TMEM74: variants seen among roughly 807,000 people sequenced by gnomAD.
The protein encoded by TMEM74 is transmembrane protein 74.
A neutral mutation model predicts 18.1 loss-of-function variants in TMEM74; 13 were observed. The observed-to-expected ratio is 0.72, with a 90% CI of 0.47 to 1.14. The LOEUF (loss-of-function observed/expected upper bound fraction) is 1.14. TMEM74 is among the 50% of genes most tolerant of loss of function. The pLI is 0.00. For missense variants in TMEM74, 372 were observed against 375.9 expected (o/e 0.99, Z 0.09); for synonymous variants, 159 against 146.6 (o/e 1.08, Z -0.61).
chr8:108,723,842 G>A (rs1258302868), intron 1 of TMEM74, among the ~76,000 whole-genome samples: 4 of 152,158 alleles, frequency 2.6e-5, no homozygotes, highest in Non-Finnish European at 4.4e-5. Context: ...GTTTAAAAAT[G>A]TTTCTTCCAG....
At chr8:108,709,666 A>G (rs1157895771) in intron 1 of TMEM74, among the ~76,000 whole-genome samples, 1 of 152,122 alleles carries the variant, frequency 6.6e-6, no homozygotes, top group Admixed American at 6.5e-5. Flanking sequence ...AAGAGGATGA[A>G]TCTCATATTA....
At chr8:108,778,837 T>C (rs1167625678), downstream of TMEM74, among the ~76,000 whole-genome samples, 1 of 152,160 alleles carries the variant, frequency 6.6e-6, no homozygotes, top group Non-Finnish European at 1.5e-5. Context: ...TTTTTCCATA[T>C]CATAAAATGT....
intron 1 of TMEM74, among the ~76,000 whole-genome samples, chr8:108,740,399 A>G (rs1392455742): frequency 6.6e-6 from 1 of 152,210 alleles, no homozygotes; most frequent in Non-Finnish European, 1.5e-5. Flanking sequence ...TTCTATGGTC[A>G]AAAGTGAGTT....
intron 1 of TMEM74, among the ~76,000 whole-genome samples, chr8:108,664,814 G>A (rs1184414736): frequency 6.6e-6 from 1 of 152,008 alleles, no homozygotes; most frequent in African/African-American, 2.4e-5. Flanking sequence ...ATAGTAAGTG[G>A]CAAAGCCAGG....
chr8:108,784,274 A>C lies in TMEM74; in HGVS notation c.825T>G (p.Tyr275Ter). The part of the protein sequence containing the change: ...FASSKESAKL[Y>*]GSFNFRMKTS... ...TTTTCATCCTGAAGTTGAAAGAACCATAGAGTTTTGCAGACTCTTTGGAAG... is the reference window on the plus strand; with the variant it reads ...TTTTCATCCTGAAGTTGAAAGAACCCTAGAGTTTTGCAGACTCTTTGGAAG... The change falls in exon 2 of 2, where the codon TAT becomes TAG. Residue 275 changes from tyrosine (Y) to a stop codon, truncating the protein, a stop_gained. Transcript: ENST00000297459. LOFTEE classifies it high-confidence loss of function. 6.2e-7 allele frequency: 1 copy of C among 1,614,176 alleles called. No individual in the cohort carries two copies. Among genetic ancestry groups the C allele is most frequent in the Non-Finnish European group, 8.5e-7 (1 of 1,180,036 alleles).
chr8:108,754,321 G>T (rs546195684), intron 1 of TMEM74, among the ~76,000 whole-genome samples: 4 of 151,970 alleles, frequency 2.6e-5, no homozygotes, highest in Admixed American at 6.6e-5. Flanking sequence ...ATATATTCAA[G>T]ATAAAAATAA....
chr8:108,659,256 C>CACACACACACACAA (rs1286012287), intron 1 of TMEM74, among the ~76,000 whole-genome samples: 3 of 151,958 alleles, frequency 2.0e-5, no homozygotes, highest in African/African-American at 7.2e-5. Flanking sequence ...AGCCCACTAA[C>CACACACACACACAA]ACACACACAC....
rs748256764 is a variant in TMEM74, at chr8:108,785,023, G to GC, written c.75dup (p.Leu26AlafsTer4). ...GCTGTATCTGCCTGGTCACCAGGCA[G>GC]CCCTCTTGAACTCCAGTCCCTGGCA... is the stretch of plus-strand genomic sequence containing the variant. On this transcript the variant is annotated frameshift_variant, in exon 2 of 2. Transcript: ENST00000297459. LOFTEE classifies it high-confidence loss of function. 2 of 1,614,144 alleles carry GC rather than the reference G, an allele frequency of 1.2e-6. No homozygotes were observed. The highest frequency in any genetic ancestry group is 2.2e-5 in the South Asian group (2 of 91,064).
At chr8:108,628,767 T>C (rs1812521193) in intron 2 of TMEM74, among the ~76,000 whole-genome samples, 1 of 152,074 alleles carries the variant, frequency 6.6e-6, no homozygotes, top group South Asian at 2.1e-4. Flanking sequence ...AAAACATTTT[T>C]AGTTCTCCAC....
chr8:108,690,130 C>G (rs549124361), intron 1 of TMEM74, among the ~76,000 whole-genome samples: 1 of 149,914 alleles, frequency 6.7e-6, no homozygotes, highest in East Asian at 1.9e-4. Flanking sequence ...TGTAGTGCTA[C>G]TCAGTCTTGA....
intron 2 of TMEM74, among the ~76,000 whole-genome samples, chr8:108,622,803 T>C (rs1330300339): frequency 1.3e-5 from 2 of 152,148 alleles, no homozygotes; most frequent in Admixed American, 1.3e-4. Context: ...TAATCAACTT[T>C]ATGCTACATA....
intron 1 of TMEM74, among the ~76,000 whole-genome samples, chr8:108,769,570 C>T (rs1814148848): frequency 6.6e-6 from 1 of 152,084 alleles, no homozygotes; most frequent in Non-Finnish European, 1.5e-5. Flanking sequence ...CACTCTCTCT[C>T]TCTGACCCCA....
chr8:108,719,005 CAT>C (rs751742751), intron 1 of TMEM74, among the ~76,000 whole-genome samples: 54 of 140,226 alleles, frequency 3.9e-4, no homozygotes, highest in African/African-American at 7.8e-4. Context: ...TATATATACA[CAT>C]ATATATATAT....
chr8:108,670,985 T>C (rs545812410), intron 1 of TMEM74, among the ~76,000 whole-genome samples: 1 of 152,294 alleles, frequency 6.6e-6, no homozygotes, highest in South Asian at 2.1e-4. Flanking sequence ...ATCATACCTA[T>C]GCTTAGTGAT....
chr8:108,690,695 G>A (rs769727646), intron 1 of TMEM74, among the ~76,000 whole-genome samples: 4 of 152,016 alleles, frequency 2.6e-5, no homozygotes, highest in East Asian at 1.9e-4. Flanking sequence ...GGTGGCAGGC[G>A]CCTGTAGCCC....
intron 2 of TMEM74, among the ~76,000 whole-genome samples, chr8:108,648,111 G>A (rs963765396): frequency 5.9e-5 from 9 of 151,990 alleles, no homozygotes; most frequent in South Asian, 2.1e-4. Context: ...GGTTCTTCCC[G>A]TTTTTTTGCA....
At chr8:108,609,299 C>A (rs1812310225) in intron 2 of TMEM74, among the ~76,000 whole-genome samples, 1 of 151,542 alleles carries the variant, frequency 6.6e-6, no homozygotes, top group Admixed American at 6.6e-5. Context: ...GCAGCTGAAC[C>A]TGAGTCCAAC....
chr8:108,609,451 C>T (rs1812312060), intron 2 of TMEM74, among the ~76,000 whole-genome samples: 1 of 152,150 alleles, frequency 6.6e-6, no homozygotes, highest in South Asian at 2.1e-4. Context: ...AATTGGATAC[C>T]AGCCTGGGCA....
At chr8:108,656,688 G>A (rs1222899652) in intron 1 of TMEM74, among the ~76,000 whole-genome samples, 2 of 152,058 alleles carry the variant, frequency 1.3e-5, no homozygotes, top group East Asian at 1.9e-4. Context: ...CCTCTCTCAC[G>A]ATCATAAATT....
Sources: allele counts gnomAD v4.1 joint callset (sites outside exome capture counted in the v4.1 genomes callset), GRCh38; gene constraint gnomAD v4.1.1; transcripts MANE v1.5; gene names NCBI Gene and HGNC (gene_info 2026-07-23, HGNC 2026-07-21).